The following ADAMTS6 variants were observed in gnomAD, a reference collection of about 807,000 sequenced individuals.
ADAMTS6 encodes the protein ADAM metallopeptidase with thrombospondin type 1 motif 6, also known as A disintegrin and metalloproteinase with thrombospondin motifs 6.
ADAMTS6 carries 23 observed loss-of-function variants against 144.3 expected under a neutral mutation model. The observed-to-expected ratio is 0.16, with a 90% confidence interval of 0.11 to 0.23. The LOEUF is 0.23. Among genes scored for constraint, ADAMTS6 ranks in the 10% least tolerant of loss-of-function variants. The pLI is 1.00. For missense variants in ADAMTS6, 999 were observed against 1,379.6 expected, an observed-to-expected ratio of 0.72 and a Z score of 4.37; for synonymous variants, 444 against 457.5, an observed-to-expected ratio of 0.97 and a Z score of 0.38.
chr5:65,172,716 CTTCTACGTGTTAA>C lies in ADAMTS6; in HGVS notation c.3087+103_3087+115del, dbSNP rs1753710755. The stretch of plus-strand genomic sequence containing the variant: ...TTCACACTCATGCCTCATACTTAGA[CTTCTACGTGTTAA>C]TTCTTACTCATCTCTCAAGCCCTTA... On this transcript the variant is annotated intron_variant, in intron 23 of 24. Coordinates refer to ENST00000381055, the MANE Select transcript of ADAMTS6 (RefSeq NM_197941.4). 4 of 1,236,920 alleles carry C rather than the reference CTTCTACGTGTTAA, an allele frequency of 3.2e-6. No individual in the cohort carries two copies. In the East Asian group the frequency reaches 9.6e-5, roughly 30 times the overall value. The allele number at this position is 1,236,920 out of a possible 1,614,324, so 76.6% of individuals were successfully genotyped here.
rs906451494 is a variant in ADAMTS6 at position 65,173,018 on chromosome 5, A to C, written c.2911-10T>G. ...CACATTTTGGAGTACACTGGAAATAAAACAAATAGTAATGAATCACGACAG... is the reference window on the plus strand; with the variant it reads ...CACATTTTGGAGTACACTGGAAATACAACAAATAGTAATGAATCACGACAG... On this transcript the variant is annotated splice_polypyrimidine_tract_variant and intron_variant, in intron 22 of 24. Transcript: ENST00000381055. 1 of 1,609,808 alleles carries C rather than the reference A, an allele frequency of 6.2e-7. No homozygotes were observed. Among genetic ancestry groups the C allele is most frequent in the African/African-American group, 1.3e-5 (1 of 74,748 alleles).
Position 65,460,183 on chromosome 5 carries a change from A to G in ADAMTS6, c.618T>C (p.His206=). 1 of 1,613,980 alleles carries G rather than the reference A, an allele frequency of 6.2e-7. No individual in the cohort carries two copies. Among genetic ancestry groups the G allele is most frequent in the African/African-American group, 1.3e-5 (1 of 75,046 alleles). Residue 206 remains histidine (H), a synonymous_variant, in exon 4 of 25, where the codon CAT becomes CAC. Transcript: ENST00000381055. ...ACACTCACTCACCCGAAACCCCACA[A>G]TGAGAGTGATCATACAGATGTCGTT... ...LQQRHLYDHS[H]CGVSDFTRSG...
At chr5:65,332,432 C>A (rs1746854741) in intron 8 of ADAMTS6, among the ~76,000 whole-genome samples, 1 of 151,232 alleles carries the variant, frequency 6.6e-6, no homozygotes. Context: ...AATATGTGCA[C>A]CTGATTTGAG....
At chr5:65,356,409 T>C (rs1453515187) in intron 7 of ADAMTS6, among the ~76,000 whole-genome samples, 3 of 151,870 alleles carry the variant, frequency 2.0e-5, no homozygotes, top group East Asian at 1.9e-4. Flanking sequence ...TGGTGTATCA[T>C]TGAACCTCTC....
rs1219706379 is a variant in ADAMTS6, at chr5:65,481,845, C to T, written c.-782G>A. On this transcript the variant is annotated 5_prime_UTR_variant, in exon 1 of 25. Coordinates refer to ENST00000381055, the MANE Select transcript of ADAMTS6 (RefSeq NM_197941.4). ...GTTTTGTTGAAGTAGCCCTAGATCTCACTACCGGCCCCCAGCCAACTTGAA... is the reference window on the plus strand; with the variant it reads ...GTTTTGTTGAAGTAGCCCTAGATCTTACTACCGGCCCCCAGCCAACTTGAA... 1 of 152,462 alleles carries T rather than the reference C, an allele frequency of 6.6e-6. No homozygotes were observed. The highest frequency in any genetic ancestry group is 2.4e-5 in the African/African-American group (1 of 41,444). 9.4% of individuals were successfully genotyped at this position (152,462 alleles called of 1,614,324 possible).
At chr5:65,432,751 T>C (rs542319234) in intron 7 of ADAMTS6, among the ~76,000 whole-genome samples, 218 of 152,296 alleles carry the variant, frequency 1.4e-3, no homozygotes, top group Non-Finnish European at 2.3e-3. Context: ...TATTATGTCA[T>C]GTACTGGCCT....
intron 7 of ADAMTS6, among the ~76,000 whole-genome samples, chr5:65,400,225 T>C (rs1302372186): frequency 2.1e-4 from 32 of 152,132 alleles, no homozygotes; most frequent in Admixed American, 2.0e-3. Flanking sequence ...TTATTAGAGA[T>C]AGGGTCTCAC....
At chr5:65,186,590 G>C (rs1282570992) in intron 22 of ADAMTS6, among the ~76,000 whole-genome samples, 1 of 152,100 alleles carries the variant, frequency 6.6e-6, no homozygotes, top group Non-Finnish European at 1.5e-5. Flanking sequence ...ACTAACATGT[G>C]TACAACTCTG....
intron 12 of ADAMTS6, 32 bp from the exon 13 acceptor site, chr5:65,262,994 CTT>C (rs1234513392): frequency 6.2e-7 from 1 of 1,613,170 alleles, no homozygotes. Flanking sequence ...ACAGAATTAG[CTT>C]TTAGGCAGAT....
chr5:65,385,995 T>A (rs1752440866), intron 7 of ADAMTS6, among the ~76,000 whole-genome samples: 1 of 152,206 alleles, frequency 6.6e-6, no homozygotes, highest in South Asian at 2.1e-4. Context: ...AGATAAGCTG[T>A]TCACGGCAAC....
Position 65,473,621 on chromosome 5 carries a change from G to A in ADAMTS6, c.53C>T (p.Ser18Leu), listed in dbSNP as rs754946962. The change falls in exon 2 of 25, where the codon TCA becomes TTA. Residue 18 changes from serine (S) to leucine (L), a missense_variant. Physicochemically the swap from Ser to Leu is moderately radical, Grantham distance 145 (BLOSUM62 -2). Transcript: ENST00000381055. ...CCTGTGGTCACTATGAAATTCCGAT[G>A]AAGCCATGATGAGGCTCAAAATCCA... Reference protein sequence around the residue: ...LTWILSLIMASSEFHSDHRLS... With the variant: ...LTWILSLIMALSEFHSDHRLS... The A allele has an allele frequency of 8.1e-6, 13 of 1,613,682 alleles. No individual in the cohort carries two copies. The highest frequency in any genetic ancestry group is 1.1e-5 in the Non-Finnish European group (13 of 1,179,768).
At chr5:65,160,300 T>A (rs1199333558) in intron 24 of ADAMTS6, among the ~76,000 whole-genome samples, 4 of 149,474 alleles carry the variant, frequency 2.7e-5, no homozygotes, top group Non-Finnish European at 5.9e-5. Context: ...CTGCTCCTTC[T>A]CCGACTTTCT....
At chr5:65,185,892 A>G (rs1416292644) in intron 22 of ADAMTS6, among the ~76,000 whole-genome samples, 2 of 152,214 alleles carry the variant, frequency 1.3e-5, no homozygotes, top group Non-Finnish European at 2.9e-5. Context: ...GATACAGAAT[A>G]GTGTAGGTCA....
intron 14 of ADAMTS6, among the ~76,000 whole-genome samples, chr5:65,243,450 T>C (rs1759365848): frequency 6.6e-6 from 1 of 152,174 alleles, no homozygotes; most frequent in Non-Finnish European, 1.5e-5. Flanking sequence ...CCTCAGATTC[T>C]GAAAATAGTG....
chr5:65,363,000 T>A (rs1006639731), intron 7 of ADAMTS6, among the ~76,000 whole-genome samples: 3 of 152,156 alleles, frequency 2.0e-5, no homozygotes, highest in Admixed American at 1.3e-4. Flanking sequence ...ATTAGCATTT[T>A]TCCAAGGTAC....
intron 24 of ADAMTS6, among the ~76,000 whole-genome samples, chr5:65,166,362 GA>G (rs1753158664): frequency 1.2e-5 from 1 of 84,898 alleles, no homozygotes; most frequent in Non-Finnish European, 2.3e-5. Flanking sequence ...CCCAATACAG[GA>G]GCACCCAGAT....
chr5:65,273,104 T>C (rs985162719), intron 12 of ADAMTS6, among the ~76,000 whole-genome samples: 4 of 152,310 alleles, frequency 2.6e-5, no homozygotes, highest in African/African-American at 9.6e-5. Context: ...AAATATAACA[T>C]ACATATACCA....
intron 11 of ADAMTS6, among the ~76,000 whole-genome samples, chr5:65,290,097 T>G (rs190221078): frequency 6.6e-6 from 1 of 152,236 alleles, no homozygotes; most frequent in East Asian, 1.9e-4. Context: ...CTAACAAGAA[T>G]AATAATAATA....
At chr5:65,359,783 C>T (rs1036915026) in intron 7 of ADAMTS6, among the ~76,000 whole-genome samples, 24 of 151,496 alleles carry the variant, frequency 1.6e-4, no homozygotes, top group African/African-American at 5.8e-4. Flanking sequence ...AATACTGATT[C>T]GTGTAGAGTC....
Sources: allele counts gnomAD v4.1 joint callset (sites outside exome capture counted in the v4.1 genomes callset), GRCh38; gene constraint gnomAD v4.1.1; transcripts MANE v1.5; gene names NCBI Gene and HGNC (gene_info 2026-07-23, HGNC 2026-07-21).